SLC30A5: variants seen among roughly 807,000 people sequenced by gnomAD.
SLC30A5 encodes the protein proton-coupled zinc antiporter SLC30A5.
SLC30A5 carries 33 observed loss-of-function variants against 79.6 expected under a neutral mutation model. The observed-to-expected ratio is 0.41, with a 90% CI of 0.31 to 0.55. SLC30A5 has a LOEUF of 0.55. SLC30A5 is among the 20% of genes least tolerant of loss of function. SLC30A5 has a pLI of 0.20. For missense variants in SLC30A5, 788 were observed against 928.1 expected (o/e 0.85, Z 1.96); for synonymous variants, 299 against 319.7 (o/e 0.94, Z 0.69).
chr5:69,111,555 C>T (rs1003570114), intron 5 of SLC30A5, among the ~76,000 whole-genome samples: 54 of 149,040 alleles, frequency 3.6e-4, no homozygotes, highest in African/African-American at 1.2e-3. Context: ...CCACCCGCCT[C>T]GGCCTCCCAA....
chr5:69,121,249 C>A (rs1746526705), intron 12 of SLC30A5, among the ~76,000 whole-genome samples: 1 of 152,032 alleles, frequency 6.6e-6, no homozygotes, highest in Non-Finnish European at 1.5e-5. Flanking sequence ...CATAATAAGA[C>A]CATATTTGGA....
chr5:69,125,339 A>C (rs1432819345), intron 14 of SLC30A5, among the ~76,000 whole-genome samples: 1 of 151,614 alleles, frequency 6.6e-6, no homozygotes, highest in Non-Finnish European at 1.5e-5. Context: ...ATCCTGGCTA[A>C]CATGATGAAA....
At chr5:69,118,682 T>C in intron 12 of SLC30A5, 54 bp downstream of exon 12, 4 of 1,467,560 alleles carry the variant, frequency 2.7e-6, no homozygotes, top group Non-Finnish European at 2.7e-6. Context: ...CATAGTTTTT[T>C]CTATCCTAAA....
chr5:69,123,906 G>C (rs898146864), intron 14 of SLC30A5, among the ~76,000 whole-genome samples: 1 of 152,176 alleles, frequency 6.6e-6, no homozygotes, highest in South Asian at 2.1e-4. Flanking sequence ...TAACAGTTTA[G>C]ATCGAGACCA....
At chr5:69,113,293 G>A (rs2111970730) in intron 6 of SLC30A5, 66 bp downstream of exon 6, 2 of 1,185,996 alleles carry the variant, frequency 1.7e-6, no homozygotes, top group South Asian at 1.3e-5. Context: ...TGGAACAATG[G>A]AAAAAGAAAG....
intron 2 of SLC30A5, 76 bp downstream of exon 2, chr5:69,101,005 A>C (rs942899379): frequency 2.2e-6 from 3 of 1,380,646 alleles, no homozygotes; most frequent in African/African-American, 2.9e-5. Flanking sequence ...TATCTTTAAG[A>C]AACTTTACAT....
At chr5:69,118,695 T>C in intron 12 of SLC30A5, 67 bp downstream of exon 12, 2 of 1,377,584 alleles carry the variant, frequency 1.5e-6, no homozygotes, top group Non-Finnish European at 1.9e-6. Flanking sequence ...ATCCTAAAGT[T>C]TAATTGTTTG....
chr5:69,102,991 TCTTTA>T (rs1244420273), intron 2 of SLC30A5, 66 bp from the exon 3 acceptor site: 2 of 707,834 alleles, frequency 2.8e-6, no homozygotes, highest in Non-Finnish European at 4.7e-6. Flanking sequence ...AAAATAAGTG[TCTTTA>T]CTTAAAACTG....
At chr5:69,124,151 A>C (rs1000745652) in intron 14 of SLC30A5, among the ~76,000 whole-genome samples, 3 of 149,874 alleles carry the variant, frequency 2.0e-5, no homozygotes, top group Non-Finnish European at 4.4e-5. Flanking sequence ...TGGTCCTTGC[A>C]CAAGAATAAA....
intron 15 of SLC30A5, 95 bp from the exon 16 acceptor site, chr5:69,129,352 A>C (rs1461316242): frequency 1.2e-6 from 1 of 861,368 alleles, no homozygotes; most frequent in African/African-American, 1.7e-5. Flanking sequence ...CAGATTAAAG[A>C]TACTCAACCC....
chr5:69,096,232 A>G (rs1320433909), intron 1 of SLC30A5, among the ~76,000 whole-genome samples: 6 of 152,248 alleles, frequency 3.9e-5, no homozygotes, highest in Admixed American at 2.6e-4. Flanking sequence ...CTGTGTGTGC[A>G]TTCAGAGGGA....
At position 69,118,595 on chromosome 5, in the gene SLC30A5, T is replaced by C. The variant is rs2111984135; in HGVS notation, c.1536T>C (p.Ile512=). 1 of 1,597,936 alleles carries C rather than the reference T, an allele frequency of 6.3e-7. No individual in the cohort carries two copies. Among genetic ancestry groups the C allele is most frequent in the East Asian group, 2.3e-5 (1 of 43,474 alleles). Reference sequence around the variant, plus strand: ...TTATGGAGTCAGTGGCTAGATTGATTGATCCTCCAGAATTAGACACTCACA... The same window carrying C: ...TTATGGAGTCAGTGGCTAGATTGATCGATCCTCCAGAATTAGACACTCACA... ...FVFMESVARL[I]DPPELDTHML... Residue 512 remains isoleucine (I), a synonymous_variant, in exon 12 of 16, where the codon ATT becomes ATC. Transcript: ENST00000396591.
chr5:69,129,710 A>C lies in SLC30A5; in HGVS notation c.*93A>C. ...CCAGAAGGATAAAAATTACACATTA[A>C]CTGTACAGAAACAGAGTTCCCTACT... On this transcript the variant is annotated 3_prime_UTR_variant, in exon 16 of 16. Coordinates refer to ENST00000396591, the MANE Select transcript of SLC30A5 (RefSeq NM_022902.5). The C allele has an allele frequency of 3.4e-6, 4 of 1,188,752 alleles. No individual in the cohort carries two copies. The East Asian group carries it at 9.7e-5, about 29-fold the overall frequency. The allele number at this position is 1,188,752 out of a possible 1,614,324, so 73.6% of individuals were successfully genotyped here. A position where few individuals can be genotyped will look rare whatever the true frequency, so the allele number is the denominator to read the frequency against.
chr5:69,127,846 A>G (rs1024345978), intron 14 of SLC30A5, among the ~76,000 whole-genome samples, 158 bp from the exon 15 acceptor site: 22 of 151,902 alleles, frequency 1.4e-4, no homozygotes, highest in African/African-American at 5.3e-4. Context: ...GCTTCTCATT[A>G]TGGCTGGTTT....
In SLC30A5 at chr5:69,129,664, G is replaced by T; in HGVS notation, c.*47G>T. On this transcript the variant is annotated 3_prime_UTR_variant, in exon 16 of 16. Transcript: ENST00000396591. ...GGAGAATAAACAATGAAGATTAAAT[G>T]ACTCAGTATTTGTAATATTGCCAGA... 2 of 1,518,978 alleles carry T rather than the reference G, an allele frequency of 1.3e-6. No homozygotes were observed. Among genetic ancestry groups the T allele is most frequent in the South Asian group, 2.5e-5 (2 of 79,550 alleles). 94.1% of individuals were successfully genotyped at this position (1,518,978 alleles called of 1,614,324 possible). A position where few individuals can be genotyped will look rare whatever the true frequency, so the allele number is the denominator to read the frequency against.
intron 1 of SLC30A5, among the ~76,000 whole-genome samples, chr5:69,099,685 C>T (rs987786619): frequency 6.6e-6 from 1 of 152,144 alleles, no homozygotes; most frequent in Non-Finnish European, 1.5e-5. Flanking sequence ...ACTGTAGTCA[C>T]TTAACAAGGC....
chr5:69,100,499 G>T (rs941039652), intron 1 of SLC30A5, among the ~76,000 whole-genome samples: 1 of 151,884 alleles, frequency 6.6e-6, no homozygotes, highest in Non-Finnish European at 1.5e-5. Flanking sequence ...AGTAGGGCGC[G>T]GTGGCTCACA....
At chr5:69,108,582 G>A (rs1236512050) in intron 5 of SLC30A5, 146 bp downstream of exon 5, 1 of 703,488 alleles carries the variant, frequency 1.4e-6, no homozygotes, top group Non-Finnish European at 2.5e-6. Flanking sequence ...AACACTGTGG[G>A]AGGCTGAGGT....
Position 69,129,098 on chromosome 5 carries a change from G to A in SLC30A5, c.2128-349G>A, listed in dbSNP as rs1463180363. 2.0e-5 allele frequency among the ~76,000 whole-genome samples: 3 copies of A among 152,160 alleles called. No individual in the cohort carries two copies. The East Asian group carries it at 5.8e-4, about 29-fold the overall frequency. ...CCTGCCTCAGCCTCCCTGGGCCACT[G>A]TGCCTGGCCTGTAACTATTTTAAAA... On this transcript the variant is annotated intron_variant, in intron 15 of 15. Transcript: ENST00000396591.
Sources: gnomAD v4.1 joint callset for allele counts (sites outside exome capture counted in the v4.1 genomes callset) on GRCh38, gnomAD v4.1.1 for gene constraint, MANE v1.5 for transcripts, NCBI Gene and HGNC (gene_info 2026-07-23, HGNC 2026-07-21) for gene names.